Variants in ATL2 observed in about 807,000 individuals in gnomAD.
The protein encoded by ATL2 is atlastin GTPase 2, also known as atlastin-2.
ATL2 carries 31 observed loss-of-function variants against 73.9 expected under a neutral mutation model. That is an observed-to-expected ratio of 0.42 (90% CI 0.32 to 0.57). The LOEUF (loss-of-function observed/expected upper bound fraction) is 0.57. Among genes scored for constraint, ATL2 ranks in the 20% least tolerant of loss-of-function variants. The probability of loss-of-function intolerance (pLI) is 0.14; values close to 1 mark genes in which losing one functional copy is unlikely to be tolerated. For missense variants in ATL2, 738 were observed against 702.6 expected, an observed-to-expected ratio of 1.05 and a Z score of -0.57; for synonymous variants, 291 against 237.5, an observed-to-expected ratio of 1.23 and a Z score of -2.07.
chr2:38,324,876 T>C (rs990094182), intron 2 of ATL2, among the ~76,000 whole-genome samples: 3 of 152,102 alleles, frequency 2.0e-5, no homozygotes, highest in Admixed American at 6.6e-5. Context: ...TGCCAGGGGA[T>C]TGGGGAGAGA....
intron 2 of ATL2, among the ~76,000 whole-genome samples, chr2:38,332,947 C>T (rs1669085317): frequency 1.3e-5 from 2 of 152,194 alleles, no homozygotes; most frequent in African/African-American, 4.8e-5. Context: ...GTCCCAGCTA[C>T]TTGGGAGGCT....
intron 1 of ATL2, among the ~76,000 whole-genome samples, chr2:38,348,356 C>T (rs181640238): frequency 6.6e-6 from 1 of 151,854 alleles, no homozygotes; most frequent in East Asian, 2.0e-4. Context: ...ATCCCAGATA[C>T]TCAGGAGGCT....
Position 38,332,117 on chromosome 2 carries a change from T to C in ATL2, c.363+11151A>G, listed in dbSNP as rs78261309. Among the ~76,000 whole-genome samples, 1,062 of 152,176 alleles carry C rather than the reference T, an allele frequency of 7.0e-3. 13 individuals are homozygous for C. The highest frequency in any genetic ancestry group is 0.057 in the East Asian group (296 of 5,174). On this transcript the variant is annotated intron_variant, in intron 2 of 12. Coordinates refer to ENST00000378954, the MANE Select transcript of ATL2 (RefSeq NM_001135673.4). ...CATGAATGTCCACAGAGACAGAAAATAGATTAGCGGTTCCTTCAGGTTGAG... is the reference window on the plus strand; with the variant it reads ...CATGAATGTCCACAGAGACAGAAAACAGATTAGCGGTTCCTTCAGGTTGAG...
chr2:38,339,765 A>G lies in ATL2; in HGVS notation c.363+3503T>C, dbSNP rs1471685754. On this transcript the variant is annotated intron_variant, in intron 2 of 12. Coordinates refer to ENST00000378954, the MANE Select transcript of ATL2 (RefSeq NM_001135673.4). ...GAGTATGATGGCACAATCTCGGCTC[A>G]CTGCAACCTCCACCTCCCAGGTTCA... Among the ~76,000 whole-genome samples, 3 of 152,148 alleles carry G rather than the reference A, an allele frequency of 2.0e-5. No individual in the cohort carries two copies. The East Asian group carries it at 5.8e-4, about 29-fold the overall frequency.
chr2:38,321,806 G>A (rs968289375), intron 2 of ATL2, among the ~76,000 whole-genome samples: 5 of 151,802 alleles, frequency 3.3e-5, no homozygotes, highest in East Asian at 1.9e-4. Context: ...TCATCCTCCC[G>A]GACTCAAAGG....
chr2:38,358,782 C>G (rs1670835548), intron 1 of ATL2: 1 of 153,184 alleles, frequency 6.5e-6, no homozygotes, highest in South Asian at 1.9e-4. Flanking sequence ...AACTATTAGT[C>G]TAGCTCATCC....
intron 12 of ATL2, among the ~76,000 whole-genome samples, chr2:38,297,595 T>A (rs1666964545): frequency 6.6e-6 from 1 of 152,200 alleles, no homozygotes; most frequent in Admixed American, 6.5e-5. Flanking sequence ...CGCTTTGCTT[T>A]ACTAATTAAT....
rs557376679 is a variant in ATL2, at chr2:38,306,056, G to C, written c.1071+3323C>G. 2.6e-4 allele frequency among the ~76,000 whole-genome samples: 40 copies of C among 152,180 alleles called. 1 individual carries two copies. The highest frequency in any genetic ancestry group is 9.2e-4 in the Admixed American group (14 of 15,288). On this transcript the variant is annotated intron_variant, in intron 9 of 12. Transcript: ENST00000378954. ...AATAAATAAAATCAGAGATGAAAAA[G>C]GAGACATTGCAACTGATACCACAGA... is the stretch of plus-strand genomic sequence containing the variant.
intron 2 of ATL2, among the ~76,000 whole-genome samples, chr2:38,332,676 C>A (rs1042190422): frequency 6.6e-6 from 1 of 152,240 alleles, no homozygotes; most frequent in Non-Finnish European, 1.5e-5. Context: ...TGTACAAGTT[C>A]AACAAAGACT....
chr2:38,300,017 C>G (rs944318882), intron 10 of ATL2, among the ~76,000 whole-genome samples: 4 of 152,140 alleles, frequency 2.6e-5, no homozygotes, highest in Non-Finnish European at 5.9e-5. Context: ...TTTTCCTATA[C>G]TTTGAGCATC....
intron 1 of ATL2, among the ~76,000 whole-genome samples, chr2:38,345,677 T>G (rs1196738521): frequency 6.6e-6 from 1 of 152,220 alleles, no homozygotes; most frequent in Non-Finnish European, 1.5e-5. Context: ...CCAGGAAAAG[T>G]TGCAATACAG....
intron 1 of ATL2, among the ~76,000 whole-genome samples, chr2:38,352,797 T>C (rs745648721): frequency 2.0e-5 from 3 of 152,332 alleles, no homozygotes; most frequent in South Asian, 2.1e-4. Context: ...TAAGGCCTAC[T>C]GACAATCCAT....
Position 38,368,213 on chromosome 2 carries a change from C to T in ATL2, c.118+8930G>A, listed in dbSNP as rs190291668. Among the ~76,000 whole-genome samples, 37 of 151,424 alleles carry T rather than the reference C, an allele frequency of 2.4e-4. No homozygotes were observed. In the Middle Eastern group the frequency reaches 0.024, roughly 97 times the overall value. On this transcript the variant is annotated intron_variant, in intron 1 of 12. Transcript: ENST00000378954. ...CCTCCCAAAGTGCTGGCATTACAGG[C>T]GTAAGCCACCGCACCTGGACTCTAA...
At chr2:38,310,763 G>A (rs761997498) in intron 7 of ATL2, among the ~76,000 whole-genome samples, 8 of 150,976 alleles carry the variant, frequency 5.3e-5, no homozygotes, top group Non-Finnish European at 7.4e-5. Flanking sequence ...TCAGCCTCCC[G>A]AGTAGCTGGG....
At chr2:38,350,349 A>G (rs10164581) in intron 1 of ATL2, among the ~76,000 whole-genome samples, 168 of 152,314 alleles carry the variant, frequency 1.1e-3, no homozygotes, top group African/African-American at 3.9e-3. Flanking sequence ...CTCTCCACAC[A>G]TTAACACTAA....
At chr2:38,311,446 T>A (rs1340034115) in intron 7 of ATL2, among the ~76,000 whole-genome samples, 1 of 145,034 alleles carries the variant, frequency 6.9e-6, no homozygotes, top group East Asian at 2.0e-4. Context: ...AATTAAAACC[T>A]GGAAACTACC....
At chr2:38,319,429 T>A (rs1668198891) in intron 2 of ATL2, among the ~76,000 whole-genome samples, 1 of 151,950 alleles carries the variant, frequency 6.6e-6, no homozygotes. Context: ...CAAAACGCCA[T>A]CTTTACAAAA....
intron 9 of ATL2, among the ~76,000 whole-genome samples, chr2:38,300,863 T>C (rs1484032808): frequency 6.8e-6 from 1 of 147,146 alleles, no homozygotes; most frequent in East Asian, 1.9e-4. Context: ...GCTTAAATTG[T>C]ATTTCAGCTC....
chr2:38,374,738 G>A (rs1182189785), intron 1 of ATL2, among the ~76,000 whole-genome samples: 3 of 152,148 alleles, frequency 2.0e-5, no homozygotes, highest in African/African-American at 7.2e-5. Flanking sequence ...CAGTCTCCCC[G>A]TACTCTTAGC....
Sources: allele counts gnomAD v4.1 joint callset (sites outside exome capture counted in the v4.1 genomes callset), GRCh38; gene constraint gnomAD v4.1.1; transcripts MANE v1.5; gene names NCBI Gene and HGNC (gene_info 2026-07-23, HGNC 2026-07-21).